LRRN3: variants seen among roughly 807,000 people sequenced by gnomAD.
LRRN3 encodes leucine rich repeat neuronal 3, also known as leucine-rich repeat neuronal protein 3.
In LRRN3, 15 loss-of-function variants were observed where a neutral mutation model predicts 40.1. The ratio of observed to expected loss-of-function variants is 0.37; its 90% confidence interval spans 0.25 to 0.58. The LOEUF (loss-of-function observed/expected upper bound fraction) is 0.58, where lower values mean the gene tolerates loss of function less well. Among genes scored for constraint, LRRN3 ranks in the 20% least tolerant of loss-of-function variants. The pLI is 0.72. For synonymous variants in LRRN3, 308 were observed against 297.2 expected, an observed-to-expected ratio of 1.04 and a Z score of -0.37; for missense variants, 746 against 837.7, an observed-to-expected ratio of 0.89 and a Z score of 1.35.
At chr7:111,119,823 G>T (rs1019614335) in intron 2 of LRRN3, among the ~76,000 whole-genome samples, 1 of 152,160 alleles carries the variant, frequency 6.6e-6, no homozygotes, top group Non-Finnish European at 1.5e-5. Context: ...CCTGGTGAAG[G>T]AAAGGATCAA....
chr7:111,107,298 T>TA (rs1206894809), intron 2 of LRRN3, among the ~76,000 whole-genome samples: 1 of 152,050 alleles, frequency 6.6e-6, no homozygotes, highest in African/African-American at 2.4e-5. Context: ...TATGGGCATG[T>TA]AAAATTGCCT....
At chr7:111,099,244 A>T (rs2129579600) in intron 1 of LRRN3, among the ~76,000 whole-genome samples, 1 of 151,846 alleles carries the variant, frequency 6.6e-6, no homozygotes, top group East Asian at 1.9e-4. Context: ...ATTTATAATA[A>T]GCTTTCCTTG....
At chr7:111,121,891 T>C (rs911404283) in intron 2 of LRRN3, among the ~76,000 whole-genome samples, 3 of 152,132 alleles carry the variant, frequency 2.0e-5, no homozygotes, top group Non-Finnish European at 2.9e-5. Context: ...TGGAATACTA[T>C]GCAGCCATAA....
At chr7:111,099,216 T>C (rs976926358) in intron 1 of LRRN3, among the ~76,000 whole-genome samples, 1 of 151,714 alleles carries the variant, frequency 6.6e-6, no homozygotes. Context: ...ACTTAGCTCA[T>C]TGGTCTCAAA....
chr7:111,099,388 C>G (rs1797734084), intron 1 of LRRN3, among the ~76,000 whole-genome samples: 1 of 151,696 alleles, frequency 6.6e-6, no homozygotes, highest in Non-Finnish European at 1.5e-5. Context: ...CAATCTTCTT[C>G]AGTATGAATA....
intron 2 of LRRN3, among the ~76,000 whole-genome samples, chr7:111,101,020 C>T (rs1217169078): frequency 6.6e-6 from 1 of 151,378 alleles, no homozygotes; most frequent in African/African-American, 2.4e-5. Context: ...TTTTTCCTGT[C>T]CAGAATGGTA....
intron 2 of LRRN3, among the ~76,000 whole-genome samples, chr7:111,114,809 T>C (rs1463725775): frequency 2.0e-5 from 3 of 151,936 alleles, no homozygotes; most frequent in African/African-American, 7.2e-5. Flanking sequence ...ATTTAAGGGT[T>C]ACTACAAAAA....
At chr7:111,121,688 T>C (rs1041117466) in intron 2 of LRRN3, among the ~76,000 whole-genome samples, 1 of 152,186 alleles carries the variant, frequency 6.6e-6, no homozygotes, top group South Asian at 2.1e-4. Context: ...CTCGGGGATC[T>C]AGAACTAGAA....
chr7:111,106,546 C>T (rs770856582), intron 2 of LRRN3, among the ~76,000 whole-genome samples: 2 of 151,698 alleles, frequency 1.3e-5, no homozygotes, highest in Non-Finnish European at 2.9e-5. Flanking sequence ...GAACTTCTCA[C>T]TGCCCCAGGC....
chr7:111,124,170 T>C lies in LRRN3; in HGVS notation c.1398T>C (p.Pro466=). 6.2e-7 allele frequency: 1 copy of C among 1,613,930 alleles called. No individual in the cohort carries two copies. The highest frequency in any genetic ancestry group is 8.5e-7 in the Non-Finnish European group (1 of 1,179,962). Residue 466 remains proline (P), a synonymous_variant, in exon 3 of 3, where the codon CCT becomes CCC. Coordinates refer to ENST00000308478, the MANE Select transcript of LRRN3 (RefSeq NM_001099658.2). ...WITPSGQKLL[P]NTLTDKFYVH... is the part of the protein sequence containing the mutation. ...CACCTTCTGGTCAAAAACTCTTGCC[T>C]AATACCCTGACAGACAAGTTCTATG...
At chr7:111,111,079 C>G (rs1799136201) in intron 2 of LRRN3, among the ~76,000 whole-genome samples, 1 of 152,010 alleles carries the variant, frequency 6.6e-6, no homozygotes, top group Non-Finnish European at 1.5e-5. Flanking sequence ...AAGAAATTTT[C>G]CCAAACAGGT....
intron 2 of LRRN3, among the ~76,000 whole-genome samples, chr7:111,107,472 A>G (rs925814103): frequency 6.6e-6 from 1 of 152,028 alleles, no homozygotes; most frequent in Non-Finnish European, 1.5e-5. Context: ...GTATACTTAT[A>G]TTAAAGCCAT....
At chr7:111,113,377 T>C (rs551491389) in intron 2 of LRRN3, among the ~76,000 whole-genome samples, 3 of 152,230 alleles carry the variant, frequency 2.0e-5, no homozygotes, top group East Asian at 1.9e-4. Flanking sequence ...GCAATCAATA[T>C]AGAATAGTCT....
chr7:111,118,208 A>G lies in LRRN3; in HGVS notation c.-358-4207A>G, dbSNP rs76671537. Reference sequence around the variant, plus strand: ...TGAAAACTTGGTGAGCAGATATTTTATCTTATTTATTGCTGACTTTCCAGT... The same window carrying G: ...TGAAAACTTGGTGAGCAGATATTTTGTCTTATTTATTGCTGACTTTCCAGT... On this transcript the variant is annotated intron_variant, in intron 2 of 2. Coordinates refer to ENST00000308478, the MANE Select transcript of LRRN3 (RefSeq NM_001099658.2). Among the ~76,000 whole-genome samples, 1,436 of 152,214 alleles carry G rather than the reference A, an allele frequency of 9.4e-3. 22 individuals are homozygous for G. Among genetic ancestry groups the G allele is most frequent in the African/African-American group, 0.032 (1,331 of 41,558 alleles).
intron 2 of LRRN3, among the ~76,000 whole-genome samples, chr7:111,111,431 T>C (rs1799190867): frequency 6.9e-6 from 1 of 143,992 alleles, no homozygotes; most frequent in South Asian, 2.4e-4. Flanking sequence ...GGCCCGTTAG[T>C]ATTTTTACTT....
rs75882712 is a variant in LRRN3 at position 111,112,783 on chromosome 7, G to A, written c.-358-9632G>A. On this transcript the variant is annotated intron_variant, in intron 2 of 2. Transcript: ENST00000308478. ...AAATACAGCCCACATCGCTATTATCGTCTTCCTTAGGTATAGTAACAGAAA... is the reference window on the plus strand; with the variant it reads ...AAATACAGCCCACATCGCTATTATCATCTTCCTTAGGTATAGTAACAGAAA... Among the ~76,000 whole-genome samples the A allele has an allele frequency of 4.0e-4, 61 of 152,164 alleles. No individual in the cohort carries two copies. The East Asian group carries it at 9.1e-3, about 23-fold the overall frequency.
At position 111,091,167 on chromosome 7, in the gene LRRN3, C is replaced by A. The variant is rs1432065146; in HGVS notation, c.-778C>A. ...GATCGGGTGAACGATGCACCACTAA[C>A]CACCATGGAAACAAGGAAAAATAAA... On this transcript the variant is annotated 5_prime_UTR_variant, in exon 1 of 3. Coordinates refer to ENST00000308478, the MANE Select transcript of LRRN3 (RefSeq NM_001099658.2). The A allele has an allele frequency of 6.6e-6, 1 of 152,122 alleles. No homozygotes were observed. The highest frequency in any genetic ancestry group is 1.5e-5 in the Non-Finnish European group (1 of 68,058). 9.4% of individuals were successfully genotyped at this position (152,122 alleles called of 1,614,324 possible). A position where few individuals can be genotyped will look rare whatever the true frequency, so the allele number is the denominator to read the frequency against.
In LRRN3 at chr7:111,105,038, T is replaced by C. The variant is rs905822689; in HGVS notation, c.-359+5076T>C. 7.2e-5 allele frequency among the ~76,000 whole-genome samples: 11 copies of C among 151,854 alleles called. No individual in the cohort carries two copies. In the South Asian group the frequency reaches 1.4e-3, roughly 20 times the overall value. Reference sequence around the variant, plus strand: ...TGCAAAGAGCAGAGAGGCATGACCATAGAATTCCAGAAGCTCCCAGTCCAG... The same window carrying C: ...TGCAAAGAGCAGAGAGGCATGACCACAGAATTCCAGAAGCTCCCAGTCCAG... On this transcript the variant is annotated intron_variant, in intron 2 of 2. Transcript: ENST00000308478.
intron 1 of LRRN3, among the ~76,000 whole-genome samples, chr7:111,093,819 T>C (rs1020953381): frequency 1.3e-5 from 2 of 152,146 alleles, no homozygotes; most frequent in East Asian, 3.9e-4. Context: ...CCCCAAATCA[T>C]GTAACTATAC....
Sources: gnomAD v4.1 joint callset for allele counts (sites outside exome capture counted in the v4.1 genomes callset) on GRCh38, gnomAD v4.1.1 for gene constraint, MANE v1.5 for transcripts, NCBI Gene and HGNC (gene_info 2026-07-23, HGNC 2026-07-21) for gene names.